Variants in SCGN observed in about 807,000 individuals in gnomAD.
The protein encoded by SCGN is secretagogin.
Under a neutral mutation model 39.7 loss-of-function variants are expected in SCGN, and 30 were observed. The ratio of observed to expected loss-of-function variants is 0.76; its 90% CI spans 0.57 to 1.03. The LOEUF (loss-of-function observed/expected upper bound fraction) is 1.03, where lower values mean the gene tolerates loss of function less well. SCGN is among the 50% of genes least tolerant of loss of function. The probability of loss-of-function intolerance (pLI) is 0.00; values close to 1 mark genes in which losing one functional copy is unlikely to be tolerated. For synonymous variants in SCGN, 106 were observed against 114.1 expected, an observed-to-expected ratio of 0.93 and a Z score of 0.45; for missense variants, 353 against 349.4, an observed-to-expected ratio of 1.01 and a Z score of -0.08.
intron 2 of SCGN, among the ~76,000 whole-genome samples, chr6:25,658,003 CTTTTTTTTTTTTTTTTTTTTTTT>C (rs759915721): frequency 2.8e-5 from 2 of 70,406 alleles, no homozygotes; most frequent in African/African-American, 1.0e-4. Flanking sequence ...GAAAGGTATC[CTTTTTTTTTTTTTTTTTTTTTTT>C]TTTTTTTTTT....
intron 6 of SCGN, among the ~76,000 whole-genome samples, chr6:25,681,289 C>T (rs1046912226): frequency 6.6e-6 from 1 of 152,212 alleles, no homozygotes; most frequent in Non-Finnish European, 1.5e-5. Context: ...CTCCTATACC[C>T]TATGAGAGTA....
At position 25,652,448 on chromosome 6, in the gene SCGN, T is replaced by G. The variant is rs1475441316; in HGVS notation, c.45T>G (p.Ala15=). 6.2e-7 allele frequency: 1 copy of G among 1,614,014 alleles called. No homozygotes were observed. Among genetic ancestry groups the G allele is most frequent in the African/African-American group, 1.3e-5 (1 of 74,918 alleles). ...CGACTCTGGGGCGCTTGGACGCCGC[T>G]GGCTTCTGGCAGGTCTGGCAGCGCT... The part of the protein sequence containing the change: ...REPTLGRLDA[A]GFWQVWQRFD... Residue 15 remains alanine, a synonymous_variant, in exon 1 of 11, where the codon GCT becomes GCG. Coordinates refer to ENST00000377961, the MANE Select transcript of SCGN (RefSeq NM_006998.4).
At chr6:25,673,681 C>T (rs1189459401) in intron 6 of SCGN, among the ~76,000 whole-genome samples, 1 of 152,156 alleles carries the variant, frequency 6.6e-6, no homozygotes, top group South Asian at 2.1e-4. Context: ...CTCTTCTGCT[C>T]ATGTGTGCTG....
chr6:25,694,235 T>C (rs563213281), intron 10 of SCGN, among the ~76,000 whole-genome samples: 3 of 152,324 alleles, frequency 2.0e-5, no homozygotes, highest in Non-Finnish European at 4.4e-5. Flanking sequence ...ATCTGGATAA[T>C]CTTAATAATC....
chr6:25,674,000 G>T (rs1167995127), intron 6 of SCGN, among the ~76,000 whole-genome samples: 4 of 152,150 alleles, frequency 2.6e-5, no homozygotes, highest in African/African-American at 9.7e-5. Context: ...CGAGGAGGAT[G>T]CCACACACTT....
Position 25,652,422 on chromosome 6 carries a change from C to G in SCGN, c.19C>G (p.Pro7Ala), listed in dbSNP as rs1355677444. The change falls in exon 1 of 11, where the codon CCG (proline) becomes GCG (alanine). Residue 7 changes from proline to alanine, a missense_variant. Physicochemically the swap from Pro to Ala is conservative, Grantham distance 27. Transcript: ENST00000377961. Reference sequence around the variant, plus strand: ...CAACACCATGGACAGCTCCCGGGAACCGACTCTGGGGCGCTTGGACGCCGC... The same window carrying G: ...CAACACCATGGACAGCTCCCGGGAAGCGACTCTGGGGCGCTTGGACGCCGC... MDSSREPTLGRLDAAGF... is the reference protein window; with the variant it reads MDSSREATLGRLDAAGF... The G allele has an allele frequency of 6.2e-7, 1 of 1,614,084 alleles. No individual in the cohort carries two copies. The highest frequency in any genetic ancestry group is 8.5e-7 in the Non-Finnish European group (1 of 1,180,040).
In SCGN at chr6:25,661,649, C is replaced by A. The variant is rs766160648; in HGVS notation, c.246+5C>A. 2.5e-6 allele frequency: 4 copies of A among 1,591,696 alleles called. No homozygotes were observed. Among genetic ancestry groups the A allele is most frequent in the African/African-American group, 1.3e-5 (1 of 74,590 alleles). ...GGTCGCATTCGGATGAAAGAGGTAA[C>A]TTTACTGACAGTATTTTTCATGGCT... On this transcript the variant is annotated splice_donor_5th_base_variant and intron_variant, in intron 3 of 10. Transcript: ENST00000377961.
At chr6:25,661,706 T>C (rs577827824) in intron 3 of SCGN, 62 bp downstream of exon 3, 53 of 1,102,640 alleles carry the variant, frequency 4.8e-5, no homozygotes, top group Admixed American at 1.4e-4. Context: ...TTCTTTACTT[T>C]ATCGTCTTGG....
chr6:25,690,943 A>G, intron 9 of SCGN, 113 bp from the exon 10 acceptor site: 1 of 724,764 alleles, frequency 1.4e-6, no homozygotes, highest in Non-Finnish European at 2.4e-6. Flanking sequence ...TGCCACTTCT[A>G]AATCTATTTG....
At position 25,670,066 on chromosome 6, in the gene SCGN, C is replaced by T; in HGVS notation, c.461C>T (p.Thr154Ile). The T allele has an allele frequency of 3.1e-6, 5 of 1,610,790 alleles. No individual in the cohort carries two copies. Among genetic ancestry groups the T allele is most frequent in the Non-Finnish European group, 4.2e-6 (5 of 1,177,050 alleles). Residue 154 changes from threonine to isoleucine, a missense_variant, in exon 6 of 11, where the codon ACT becomes ATT. Thr to Ile is a moderately conservative substitution (Grantham distance 89, BLOSUM62 -1). Coordinates refer to ENST00000377961, the MANE Select transcript of SCGN (RefSeq NM_006998.4). Reference protein sequence around the residue: ...AISEAKLEEYTGTMMKIFDRN... With the variant: ...AISEAKLEEYIGTMMKIFDRN... ...TCTGAGGCTAAACTGGAAGAATACA[C>T]TGGCACCATGGTAAGTAATGAGTAA...
chr6:25,681,909 G>T (rs747188877), intron 6 of SCGN, 42 bp from the exon 7 acceptor site: 2 of 1,519,748 alleles, frequency 1.3e-6, no homozygotes, highest in South Asian at 1.1e-5. Flanking sequence ...TTCAGAATTA[G>T]TTCCTGTTAC....
chr6:25,679,218 T>G (rs1759604377), intron 6 of SCGN: 1 of 153,892 alleles, frequency 6.5e-6, no homozygotes, highest in African/African-American at 2.4e-5. Flanking sequence ...TGGCAAGAAA[T>G]AGCCACTCAG....
chr6:25,681,331 G>C (rs1354338497), intron 6 of SCGN, among the ~76,000 whole-genome samples: 1 of 152,132 alleles, frequency 6.6e-6, no homozygotes, highest in Non-Finnish European at 1.5e-5. Context: ...AGCCCTCCTT[G>C]GTGGTTGATA....
chr6:25,660,547 T>C (rs1335602327), intron 2 of SCGN, among the ~76,000 whole-genome samples: 1 of 152,256 alleles, frequency 6.6e-6, no homozygotes, highest in Admixed American at 6.5e-5. Context: ...TCTGGCAAGT[T>C]CTTCCTTATC....
At chr6:25,695,673 G>A (rs2151383775) in intron 10 of SCGN, among the ~76,000 whole-genome samples, 1 of 152,294 alleles carries the variant, frequency 6.6e-6, no homozygotes, top group Admixed American at 6.5e-5. Context: ...GGGATTCACA[G>A]GTGCATGCCA....
chr6:25,658,485 C>T (rs1285993592), intron 2 of SCGN, among the ~76,000 whole-genome samples: 1 of 152,090 alleles, frequency 6.6e-6, no homozygotes, highest in Non-Finnish European at 1.5e-5. Flanking sequence ...GGACCAAAGC[C>T]AGAGGTATAG....
At chr6:25,685,650 GTATAATTATAAT>G (rs71544650) in intron 7 of SCGN, among the ~76,000 whole-genome samples, 31 of 151,870 alleles carry the variant, frequency 2.0e-4, no homozygotes, top group African/African-American at 7.0e-4. Flanking sequence ...TTCTATTAAA[GTATAATTATAAT>G]TATAATTATA....
chr6:25,699,376 G>A (rs1194540978), intron 10 of SCGN, among the ~76,000 whole-genome samples: 1 of 151,936 alleles, frequency 6.6e-6, no homozygotes, highest in Non-Finnish European at 1.5e-5. Context: ...GTCATCTCAG[G>A]TCAGGAGTTT....
chr6:25,700,510 A>G (rs1007133080), intron 10 of SCGN, among the ~76,000 whole-genome samples: 8 of 152,182 alleles, frequency 5.3e-5, no homozygotes, highest in South Asian at 4.1e-4. Flanking sequence ...CCAGCTTGGC[A>G]GGAAGCTTAA....
Sources: allele counts gnomAD v4.1 joint callset (sites outside exome capture counted in the v4.1 genomes callset), GRCh38; gene constraint gnomAD v4.1.1; transcripts MANE v1.5; gene names NCBI Gene and HGNC (gene_info 2026-07-23, HGNC 2026-07-21).